The following MCM9 variants were observed in gnomAD, a reference collection of about 807,000 sequenced individuals.
MCM9 encodes the protein minichromosome maintenance 9 homologous recombination repair factor.
In MCM9, 55 loss-of-function variants were observed where a neutral mutation model predicts 72.8. The ratio of observed to expected loss-of-function variants is 0.76; its 90% CI spans 0.61 to 0.95. The LOEUF is 0.95. MCM9 is among the 40% of genes least tolerant of loss of function. The pLI is 0.00. For synonymous variants in MCM9, 480 were observed against 503.4 expected, an observed-to-expected ratio of 0.95 and a Z score of 0.62; for missense variants, 1,279 against 1,377.0, an observed-to-expected ratio of 0.93 and a Z score of 1.13.
chr6:118,867,610 A>G lies in MCM9; in HGVS notation c.1151-11065T>C, dbSNP rs570719121. 2.0e-5 allele frequency among the ~76,000 whole-genome samples: 3 copies of G among 152,316 alleles called. No individual in the cohort carries two copies. The South Asian group carries it at 6.2e-4, about 32-fold the overall frequency. ...CTTATCATTGTGTCACAAACTGCCT[A>G]TAGTATTCCATACAGTAACATGCTG... is the stretch of plus-strand genomic sequence containing the variant. On this transcript the variant is annotated intron_variant, in intron 8 of 13. Transcript: ENST00000619706.
At chr6:118,869,517 G>C (rs1777444483) in intron 8 of MCM9, among the ~76,000 whole-genome samples, 1 of 133,404 alleles carries the variant, frequency 7.5e-6, no homozygotes, top group Admixed American at 8.4e-5. Flanking sequence ...ATACACAAAA[G>C]AGAAAAGATC....
At chr6:118,884,472 T>G (rs545636039) in intron 8 of MCM9, among the ~76,000 whole-genome samples, 7 of 151,854 alleles carry the variant, frequency 4.6e-5, no homozygotes, top group African/African-American at 1.7e-4. Flanking sequence ...TAGAAAATAT[T>G]CATTTGATAC....
chr6:118,876,110 A>C (rs1777915811), intron 8 of MCM9, among the ~76,000 whole-genome samples: 1 of 152,222 alleles, frequency 6.6e-6, no homozygotes. Flanking sequence ...TATGTTAGTA[A>C]GTAAAAGAGG....
At chr6:118,930,902 C>T (rs2114455721) in intron 3 of MCM9, among the ~76,000 whole-genome samples, 1 of 152,322 alleles carries the variant, frequency 6.6e-6, no homozygotes, top group East Asian at 1.9e-4. Flanking sequence ...AGCTTTGCCA[C>T]CCCAAGCTGC....
At chr6:118,859,732 T>G (rs1306545732) in intron 8 of MCM9, among the ~76,000 whole-genome samples, 1 of 152,180 alleles carries the variant, frequency 6.6e-6, no homozygotes, top group Non-Finnish European at 1.5e-5. Context: ...CTCTTGCTTC[T>G]GGCAGAGAGA....
At chr6:118,899,567 T>C (rs1779666495) in intron 8 of MCM9, among the ~76,000 whole-genome samples, 1 of 152,218 alleles carries the variant, frequency 6.6e-6, no homozygotes, top group Admixed American at 6.5e-5. Context: ...TGCTGGAAGC[T>C]GGAAATAGAA....
chr6:118,866,712 G>A (rs962404199), intron 8 of MCM9, among the ~76,000 whole-genome samples: 2 of 152,106 alleles, frequency 1.3e-5, no homozygotes, highest in Non-Finnish European at 2.9e-5. Flanking sequence ...AACAACTTAC[G>A]TATTATTGGC....
intron 8 of MCM9, among the ~76,000 whole-genome samples, chr6:118,899,598 A>C (rs116711583): frequency 1.4e-3 from 213 of 152,372 alleles, no homozygotes; most frequent in African/African-American, 4.9e-3. Context: ...TCTAGGACAG[A>C]GCCATGACAT....
intron 8 of MCM9, chr6:118,894,081 T>A (rs891579412): frequency 2.7e-6 from 3 of 1,105,650 alleles, no homozygotes; most frequent in African/African-American, 1.6e-5. Context: ...GCAGTTAAAG[T>A]TTCCGAGTCC....
At chr6:118,822,163 C>A (rs1174816264) in intron 13 of MCM9, among the ~76,000 whole-genome samples, 1 of 152,148 alleles carries the variant, frequency 6.6e-6, no homozygotes, top group East Asian at 1.9e-4. Context: ...AGTTTTGTGC[C>A]CTTGCTGGAG....
chr6:118,890,865 T>C (rs1046423268), intron 8 of MCM9, among the ~76,000 whole-genome samples: 2 of 152,082 alleles, frequency 1.3e-5, no homozygotes, highest in Non-Finnish European at 2.9e-5. Flanking sequence ...TTGGTAATAA[T>C]ACAAATGAGA....
intron 8 of MCM9, among the ~76,000 whole-genome samples, chr6:118,900,044 T>A (rs2114517086): frequency 6.6e-6 from 1 of 152,376 alleles, no homozygotes; most frequent in Non-Finnish European, 1.5e-5. Flanking sequence ...GAATTACATA[T>A]AACGCCTTGA....
intron 3 of MCM9, among the ~76,000 whole-genome samples, chr6:118,930,129 G>A (rs1338120424): frequency 7.6e-6 from 1 of 131,580 alleles, no homozygotes; most frequent in African/African-American, 2.7e-5. Context: ...TTTATTTTTT[G>A]AGACGGAGTC....
chr6:118,864,867 G>C (rs1777121412), intron 8 of MCM9, among the ~76,000 whole-genome samples: 1 of 152,100 alleles, frequency 6.6e-6, no homozygotes, highest in Middle Eastern at 3.2e-3. Flanking sequence ...GCAGAGAAGG[G>C]GCCTAAAATA....
chr6:118,916,782 G>A (rs973220575), intron 6 of MCM9, among the ~76,000 whole-genome samples: 19 of 152,144 alleles, frequency 1.2e-4, no homozygotes, highest in Admixed American at 5.9e-4. Context: ...GATTACAGGC[G>A]TGAGCCACCA....
At chr6:118,832,344 T>G (rs1270639283) in intron 9 of MCM9, among the ~76,000 whole-genome samples, 1 of 152,176 alleles carries the variant, frequency 6.6e-6, no homozygotes, top group Non-Finnish European at 1.5e-5. Context: ...ATTACAAGTG[T>G]GAGCCACCTT....
intron 1 of MCM9, among the ~76,000 whole-genome samples, chr6:118,933,518 A>G (rs1483732927): frequency 6.6e-6 from 1 of 151,838 alleles, no homozygotes; most frequent in Non-Finnish European, 1.5e-5. Context: ...AAAAAAAAAA[A>G]AGAGAGAAAC....
chr6:118,860,876 G>T (rs140439696), intron 8 of MCM9, among the ~76,000 whole-genome samples: 11,594 of 152,198 alleles, frequency 0.076, 679 homozygotes, highest in East Asian at 0.19. Context: ...ATCACATCAT[G>T]TCACAGGATC....
intron 8 of MCM9, among the ~76,000 whole-genome samples, chr6:118,881,082 T>C (rs1778257954): frequency 6.6e-6 from 1 of 152,178 alleles, no homozygotes; most frequent in African/African-American, 2.4e-5. Flanking sequence ...TCTCAAAATA[T>C]CTTACTGTAA....
Sources: gnomAD v4.1 joint callset for allele counts (sites outside exome capture counted in the v4.1 genomes callset) on GRCh38, gnomAD v4.1.1 for gene constraint, MANE v1.5 for transcripts, NCBI Gene and HGNC (gene_info 2026-07-23, HGNC 2026-07-21) for gene names.